The following DDX28 variants were observed in gnomAD, a reference collection of about 807,000 sequenced individuals.
DDX28 encodes the protein probable ATP-dependent RNA helicase DDX28.
Under a neutral mutation model 26.8 loss-of-function variants are expected in DDX28, and 25 were observed. That is an observed-to-expected ratio of 0.93 (90% CI 0.68 to 1.30). The LOEUF (loss-of-function observed/expected upper bound fraction) is 1.30. Among genes scored for constraint, DDX28 ranks in the 50% most tolerant of loss-of-function variants. The pLI, the probability that DDX28 is intolerant of heterozygous loss-of-function variation, is 0.00. For missense variants in DDX28, 790 were observed against 695.1 expected (o/e 1.14, Z -1.53); for synonymous variants, 370 against 311.9 (o/e 1.19, Z -1.96).
chr16:68,022,288 C>T lies in DDX28; in HGVS notation c.915G>A (p.Glu305=). The T allele has an allele frequency of 3.7e-6, 6 of 1,614,238 alleles. No homozygotes were observed. Among genetic ancestry groups the T allele is most frequent in the Non-Finnish European group, 4.2e-6 (5 of 1,180,022 alleles). ...SFLELVDYIL[E]KSHIAEGPAD... ...CTGGGCCTTCTGCTATGTGGCTCTTCTCTAAGATGTAGTCCACCAGTTCCA... is the reference window on the plus strand; with the variant it reads ...CTGGGCCTTCTGCTATGTGGCTCTTTTCTAAGATGTAGTCCACCAGTTCCA... Residue 305 remains glutamate (E), a synonymous_variant, in exon 1 of 1, where the codon GAG becomes GAA. Coordinates refer to ENST00000332395, the MANE Select transcript of DDX28 (RefSeq NM_018380.4).
At position 68,022,434 on chromosome 16, in the gene DDX28, C is replaced by G; in HGVS notation, c.769G>C (p.Asp257His). ...RLQLSRQPSA[D>H]VLVATPGALW... Reference sequence around the variant, plus strand: ...GCCCCTGGAGTGGCCACAAGCACATCTGCTGAAGGCTGTCTGGACAGCTGC... The same window carrying G: ...GCCCCTGGAGTGGCCACAAGCACATGTGCTGAAGGCTGTCTGGACAGCTGC... Residue 257 changes from aspartate to histidine, a missense_variant, in exon 1 of 1, where the codon GAT becomes CAT. Physicochemically the swap from Asp to His is moderately conservative, Grantham distance 81. Transcript: ENST00000332395. The G allele has an allele frequency of 6.2e-7, 1 of 1,614,030 alleles. No homozygotes were observed. The highest frequency in any genetic ancestry group is 1.1e-5 in the South Asian group (1 of 91,088).
chr16:68,022,897 C>T lies in DDX28; in HGVS notation c.306G>A (p.Ala102=), dbSNP rs746964562. ...GCTCGATGGAGAAGTGGTCCCGACGCGCGCGTCGACTCTTCCAGCCTTGAG... is the reference window on the plus strand; with the variant it reads ...GCTCGATGGAGAAGTGGTCCCGACGTGCGCGTCGACTCTTCCAGCCTTGAG... ...LASQGWKSRR[A]RRDHFSIERA... Residue 102 remains alanine (A), a synonymous_variant, in exon 1 of 1, where the codon GCG becomes GCA. Transcript: ENST00000332395. 1.3e-6 allele frequency: 2 copies of T among 1,561,004 alleles called. No individual in the cohort carries two copies. Among genetic ancestry groups the T allele is most frequent in the South Asian group, 1.1e-5 (1 of 86,972 alleles).
At position 68,022,326 on chromosome 16, in the gene DDX28, C is replaced by A; in HGVS notation, c.877G>T (p.Asp293Tyr). ...LVLDEADTLL[D>Y]ESFLELVDYI... ...TCCACCAGTTCCAGGAAGCTTTCAT[C>A]CAGCAGTGTGTCTGCCTCATCCAAC... is the stretch of plus-strand genomic sequence containing the variant. Residue 293 changes from aspartate (D) to tyrosine (Y), a missense_variant, in exon 1 of 1, where the codon GAT (aspartate) becomes TAT (tyrosine). Physicochemically the swap from Asp to Tyr is radical, Grantham distance 160. Coordinates refer to ENST00000332395, the MANE Select transcript of DDX28 (RefSeq NM_018380.4). The A allele has an allele frequency of 6.2e-7, 1 of 1,614,236 alleles. No individual in the cohort carries two copies. Among genetic ancestry groups the A allele is most frequent in the Middle Eastern group, 1.6e-4 (1 of 6,062 alleles).
At position 68,023,001 on chromosome 16, in the gene DDX28, G is replaced by C; in HGVS notation, c.202C>G (p.Leu68Val). Residue 68 changes from leucine to valine, a missense_variant, in exon 1 of 1, where the codon CTG becomes GTG. Leu to Val is a conservative substitution (Grantham distance 32, BLOSUM62 1). Transcript: ENST00000332395. ...AACTCCGGCCGCCGCGCCGAAACCA[G>C]CAGCGGTCCGGGTCGAACCAGCACC... is the stretch of plus-strand genomic sequence containing the variant. ...RPVLVRPGPL[L>V]VSARRPELNQ... The C allele has an allele frequency of 1.4e-5, 22 of 1,568,370 alleles. No homozygotes were observed. The highest frequency in any genetic ancestry group is 1.9e-5 in the Non-Finnish European group (22 of 1,165,624).
At position 68,021,650 on chromosome 16, in the gene DDX28, G is replaced by A. The variant is rs2033241489; in HGVS notation, c.1553C>T (p.Ala518Val). 1.9e-6 allele frequency: 3 copies of A among 1,614,156 alleles called. No individual in the cohort carries two copies. Among genetic ancestry groups the A allele is most frequent in the South Asian group, 2.2e-5 (2 of 91,086 alleles). The change falls in exon 1 of 1, where the codon GCG becomes GTG. Residue 518 changes from alanine to valine, a missense_variant. By Grantham distance (64) the Ala-to-Val change is moderately conservative. Transcript: ENST00000332395. The part of the protein sequence containing the change: ...DVSLVQKIEL[A>V]ARRRRSLPGL... ...TGGAAGACTTCTCCTTCGGCGAGCC[G>A]CCAGCTCAATCTTCTGAACCAGGCT...
rs2033268233 is a variant in DDX28, at chr16:68,022,746, T to C, written c.457A>G (p.Thr153Ala). The C allele has an allele frequency of 4.3e-6, 7 of 1,612,590 alleles. No individual in the cohort carries two copies. Among genetic ancestry groups the C allele is most frequent in the South Asian group, 2.2e-5 (2 of 91,072 alleles). Residue 153 changes from threonine (T) to alanine (A), a missense_variant, in exon 1 of 1, where the codon ACC (threonine) becomes GCC (alanine). Thr to Ala is a moderately conservative substitution (Grantham distance 58, BLOSUM62 0). Transcript: ENST00000332395. ...GAGGGGATGGTGCTAGACTGCACGG[T>C]TGTGGGCTGAACGACTTCAGGCGCA... Reference protein sequence around the residue: ...EAAPEVVQPTTVQSSTIPSLL... With the variant: ...EAAPEVVQPTAVQSSTIPSLL...
At position 68,022,500 on chromosome 16, in the gene DDX28, G is replaced by A. The variant is rs2033261592; in HGVS notation, c.703C>T (p.Arg235Trp). The A allele has an allele frequency of 1.2e-6, 2 of 1,613,742 alleles. No individual in the cohort carries two copies. The highest frequency in any genetic ancestry group is 1.7e-5 in the Admixed American group (1 of 59,994). ...PLGRSLGLLV[R>W]DLEGGHGMRR... ...ATGCCGTGGCCTCCCTCCAGGTCCC[G>A]CACCAGCAGGCCCAAGGAGCGGCCC... Residue 235 changes from arginine (R) to tryptophan (W), a missense_variant, in exon 1 of 1, where the codon CGG (arginine) becomes TGG (tryptophan). Physicochemically the swap from Arg to Trp is moderately radical, Grantham distance 101 (BLOSUM62 -3). Coordinates refer to ENST00000332395, the MANE Select transcript of DDX28 (RefSeq NM_018380.4).
rs147245711 is a variant in DDX28 at position 68,022,311 on chromosome 16, C to A, written c.892G>T (p.Glu298Ter). Residue 298 changes from glutamate (E) to a stop codon, truncating the protein, a stop_gained, in exon 1 of 1, where the codon GAA (glutamate) becomes TAA (stop). Transcript: ENST00000332395. LOFTEE classifies it high-confidence loss of function. ...TTCTCTAAGATGTAGTCCACCAGTT[C>A]CAGGAAGCTTTCATCCAGCAGTGTG... ...ADTLLDESFL[E>*]LVDYILEKSH... 4 of 1,614,096 alleles carry A rather than the reference C, an allele frequency of 2.5e-6. No homozygotes were observed. The highest frequency in any genetic ancestry group is 8.5e-7 in the Non-Finnish European group (1 of 1,180,040).
Position 68,022,939 on chromosome 16 carries a change from C to G in DDX28, c.264G>C (p.Glu88Asp). ...QPARLTLGRWERAPLASQGWK... is the reference protein window; with the variant it reads ...QPARLTLGRWDRAPLASQGWK... Reference sequence around the variant, plus strand: ...AGCCTTGAGAGGCTAGCGGCGCGCGCTCCCAACGGCCCAGTGTGAGGCGCG... The same window carrying G: ...AGCCTTGAGAGGCTAGCGGCGCGCGGTCCCAACGGCCCAGTGTGAGGCGCG... Residue 88 changes from glutamate to aspartate, a missense_variant, in exon 1 of 1, where the codon GAG (glutamate) becomes GAC (aspartate). Physicochemically the swap from Glu to Asp is conservative, Grantham distance 45 (BLOSUM62 2). Transcript: ENST00000332395. 1 of 1,543,748 alleles carries G rather than the reference C, an allele frequency of 6.5e-7. No homozygotes were observed. The highest frequency in any genetic ancestry group is 1.4e-5 in the African/African-American group (1 of 73,210).
Position 68,021,778 on chromosome 16 carries a change from G to A in DDX28, c.1425C>T (p.Pro475=). 3.1e-6 allele frequency: 5 copies of A among 1,614,164 alleles called. No homozygotes were observed. Among genetic ancestry groups the A allele is most frequent in the South Asian group, 2.2e-5 (2 of 91,086 alleles). The change falls in exon 1 of 1, where the codon CCC becomes CCT. Residue 475 remains proline (P), a synonymous_variant. Coordinates refer to ENST00000332395, the MANE Select transcript of DDX28 (RefSeq NM_018380.4). ...GVELVVNYDF[P]PTLQDYIHRA... ...TGTGGATGTAATCTTGCAGCGTTGG[G>A]GGGAAATCATAATTGACAACCAGCT...
chr16:68,021,293 A>T lies in DDX28; in HGVS notation c.*287T>A. 2.4e-6 allele frequency: 1 copy of T among 411,566 alleles called. No homozygotes were observed. The highest frequency in any genetic ancestry group is 4.4e-6 in the Non-Finnish European group (1 of 227,458). 25.5% of individuals were successfully genotyped at this position (411,566 alleles called of 1,614,324 possible). The stretch of plus-strand genomic sequence containing the variant: ...ACTGAATTCCGCCCCGGTGCTAATT[A>T]TTCTTAGGGGAGGCACATAAAAACA... On this transcript the variant is annotated 3_prime_UTR_variant, in exon 1 of 1. Transcript: ENST00000332395.
Position 68,022,168 on chromosome 16 carries a change from G to A in DDX28, c.1035C>T (p.Ala345=). The A allele has an allele frequency of 6.2e-7, 1 of 1,614,184 alleles. No homozygotes were observed. Among genetic ancestry groups the A allele is most frequent in the South Asian group, 1.1e-5 (1 of 91,082 alleles). Residue 345 remains alanine, a synonymous_variant, in exon 1 of 1, where the codon GCC becomes GCT. Coordinates refer to ENST00000332395, the MANE Select transcript of DDX28 (RefSeq NM_018380.4). The part of the protein sequence containing the change: ...EGVGQLLNKV[A]SPDAVTTITS... ...TGATGGTGGTGACAGCATCTGGGCT[G>A]GCGACTTTATTCAGCAACTGGCCTA...
rs1308823692 is a variant in DDX28 at position 68,023,053 on chromosome 16, C to A, written c.150G>T (p.Gln50His). 3.8e-6 allele frequency: 6 copies of A among 1,597,420 alleles called. No homozygotes were observed. In the Admixed American group the frequency reaches 1.0e-4, roughly 27 times the overall value. Residue 50 changes from glutamine (Q) to histidine (H), a missense_variant, in exon 1 of 1, where the codon CAG becomes CAT. By Grantham distance (24) the Gln-to-His change is conservative. Transcript: ENST00000332395. The part of the protein sequence containing the change: ...VALQRQLEQR[Q>H]SRRRNLPRPV... ...GCCTCGGGAGGTTCCGCCGCCTGCT[C>A]TGCCGCTGTTCCAACTGCCGCTGTA...
In DDX28 at chr16:68,022,597, G is replaced by A. The variant is rs374673837; in HGVS notation, c.606C>T (p.Pro202=). 6.2e-7 allele frequency: 1 copy of A among 1,613,718 alleles called. No individual in the cohort carries two copies. Among genetic ancestry groups the A allele is most frequent in the Non-Finnish European group, 8.5e-7 (1 of 1,180,012 alleles). ...GAACAAGGACCAGGCCTCGGGGCGC[G>A]GGGATAGGAAGGGAGTCCAGGCTTG... ...GQPSLDSLPI[P]APRGLVLVPS... The change falls in exon 1 of 1, where the codon CCC becomes CCT. Residue 202 remains proline (P), a synonymous_variant. Transcript: ENST00000332395.
rs77242604 is a variant in DDX28 at position 68,021,856 on chromosome 16, G to A, written c.1347C>T (p.Asp449=). 2.1e-3 allele frequency: 3,461 copies of A among 1,614,214 alleles called. 50 individuals are homozygous for A. In the African/African-American group the frequency reaches 0.035, roughly 16 times the overall value. Residue 449 remains aspartate, a synonymous_variant, in exon 1 of 1, where the codon GAC becomes GAT. Coordinates refer to ENST00000332395, the MANE Select transcript of DDX28 (RefSeq NM_018380.4). ...AGGCTATGTCTGTGCAGAGAAGTAT[G>A]TCTCGGGAGCTCTTCTGGAAGGACT... is the stretch of plus-strand genomic sequence containing the variant. ...IFQSFQKSSR[D]ILLCTDIASR...
At position 68,021,347 on chromosome 16, in the gene DDX28, T is replaced by C. The variant is rs1366153010; in HGVS notation, c.*233A>G. 1.6e-5 allele frequency: 9 copies of C among 554,910 alleles called. No individual in the cohort carries two copies. The highest frequency in any genetic ancestry group is 2.5e-5 in the Non-Finnish European group (8 of 314,226). 34.4% of individuals were successfully genotyped at this position (554,910 alleles called of 1,614,324 possible). Reference sequence around the variant, plus strand: ...TTTATTGTTAGAAATCATGACATGATACAAAGTCAAAATCCACTTGTGTCT... The same window carrying C: ...TTTATTGTTAGAAATCATGACATGACACAAAGTCAAAATCCACTTGTGTCT... On this transcript the variant is annotated 3_prime_UTR_variant, in exon 1 of 1. Coordinates refer to ENST00000332395, the MANE Select transcript of DDX28 (RefSeq NM_018380.4).
Position 68,021,623 on chromosome 16 carries a change from C to G in DDX28, c.1580G>C (p.Gly527Ala). 1 of 1,614,166 alleles carries G rather than the reference C, an allele frequency of 6.2e-7. No individual in the cohort carries two copies. Reference protein sequence around the residue: ...LAARRRRSLPGLASSVKEPLP... With the variant: ...LAARRRRSLPALASSVKEPLP... ...AGGCTCTTTCACCGAGGATGCTAGT[C>G]CTGGAAGACTTCTCCTTCGGCGAGC... The change falls in exon 1 of 1, where the codon GGA (glycine) becomes GCA (alanine). Residue 527 changes from glycine to alanine, a missense_variant. Transcript: ENST00000332395.
chr16:68,022,982 G>T lies in DDX28; in HGVS notation c.221C>A (p.Pro74Gln). Residue 74 changes from proline (P) to glutamine (Q), a missense_variant, in exon 1 of 1, where the codon CCG (proline) becomes CAG (glutamine). By Grantham distance (76) the Pro-to-Gln change is moderately conservative (BLOSUM62 -1). Coordinates refer to ENST00000332395, the MANE Select transcript of DDX28 (RefSeq NM_018380.4). ...GAGGCGCGCCGGCTGGTTCAACTCC[G>T]GCCGCCGCGCCGAAACCAGCAGCGG... ...PGPLLVSARR[P>Q]ELNQPARLTL... is the part of the protein sequence containing the mutation. 2 of 1,551,980 alleles carry T rather than the reference G, an allele frequency of 1.3e-6. No individual in the cohort carries two copies. The highest frequency in any genetic ancestry group is 2.3e-5 in the South Asian group (2 of 86,588).
In DDX28 at chr16:68,022,698, C is replaced by A; in HGVS notation, c.505G>T (p.Val169Phe). The A allele has an allele frequency of 6.2e-7, 1 of 1,613,308 alleles. No individual in the cohort carries two copies. The highest frequency in any genetic ancestry group is 8.5e-7 in the Non-Finnish European group (1 of 1,180,010). Residue 169 changes from valine to phenylalanine, a missense_variant, in exon 1 of 1, where the codon GTT (valine) becomes TTT (phenylalanine). Coordinates refer to ENST00000332395, the MANE Select transcript of DDX28 (RefSeq NM_018380.4). ...IPSLLRGRHVVCAAETGSGKT... is the reference protein window; with the variant it reads ...IPSLLRGRHVFCAAETGSGKT... ...CCACTGCCGGTTTCTGCGGCGCAAA[C>A]GACATGGCGGCCGCGAAGTAGTGAG...
Sources: allele counts gnomAD v4.1 joint callset, GRCh38; gene constraint gnomAD v4.1.1; transcripts MANE v1.5; gene names NCBI Gene and HGNC (gene_info 2026-07-23, HGNC 2026-07-21).